ZBTB38: variants seen among roughly 807,000 people sequenced by gnomAD.
The protein encoded by ZBTB38 is zinc finger and BTB domain containing 38, also known as zinc finger and BTB domain-containing protein 38.
ZBTB38 carries 20 observed loss-of-function variants against 76.8 expected under a neutral mutation model. The ratio of observed to expected loss-of-function variants is 0.26; its 90% CI spans 0.18 to 0.38. ZBTB38 has a LOEUF of 0.38. Ranked by LOEUF, ZBTB38 falls within the 10% of genes least tolerant of loss-of-function variation. ZBTB38 has a pLI of 1.00. For synonymous variants in ZBTB38, 504 were observed against 544.2 expected (o/e 0.93, Z 1.03); for missense variants, 1,082 against 1,482.3 (o/e 0.73, Z 4.43).
Position 141,340,942 on chromosome 3 carries a change from G to GAAAAGAAAAGAAAAGAAAAGA in ZBTB38, c.-739+16489_-739+16490insAGAAAAGAAAAGAAAAGAAAA, listed in dbSNP as rs1195708609. 1.6e-3 allele frequency among the ~76,000 whole-genome samples: 159 copies of GAAAAGAAAAGAAAAGAAAAGA among 101,192 alleles called. 1 individual carries two copies. Among genetic ancestry groups the GAAAAGAAAAGAAAAGAAAAGA allele is most frequent in the African/African-American group, 4.1e-3 (92 of 22,700 alleles). The allele number at this position is 101,192 out of a possible 152,430, so 66.4% of individuals were successfully genotyped here. The stretch of plus-strand genomic sequence containing the variant: ...AAGGAAAGGAAAAAAGAAAAGAAAA[G>GAAAAGAAAAGAAAAGAAAAGA]AAAGAAGGAAAGAAAGAAAGAAAGA... On this transcript the variant is annotated intron_variant, in intron 1 of 7. Coordinates refer to the ZBTB38 transcript ENST00000509842.
In ZBTB38 at chr3:141,442,373, T is replaced by C; in HGVS notation, c.1-16T>C. ...CTGTGGAAGATTATCTGACCATTTC[T>C]CTCCTCTTGTTTCAGATGACAGTCA... On this transcript the variant is annotated splice_polypyrimidine_tract_variant and intron_variant, in intron 5 of 5. Transcript: ENST00000321464. This position sits in a 1 kb window ranked among gnomAD's most constrained non-coding sequence, Gnocchi z 6.4. 1 of 1,583,860 alleles carries C rather than the reference T, an allele frequency of 6.3e-7. No homozygotes were observed. Among genetic ancestry groups the C allele is most frequent in the Non-Finnish European group, 8.6e-7 (1 of 1,158,816 alleles).
At chr3:141,330,271 A>G (rs1000381478) in intron 1 of ZBTB38, among the ~76,000 whole-genome samples, 7 of 152,146 alleles carry the variant, frequency 4.6e-5, no homozygotes, top group Admixed American at 1.3e-4. Context: ...CTGCAGCTGC[A>G]ATTAATGCGC....
chr3:141,388,603 A>G (rs1947853325), intron 4 of ZBTB38: 2 of 152,222 alleles, frequency 1.3e-5, no homozygotes, highest in Non-Finnish European at 2.9e-5. Context: ...TTTCAAATTT[A>G]ACACTGGGCC....
rs1225149633 is a variant in ZBTB38, at chr3:141,340,979, AAAGAAAGAAAGAGAAAG to A, written c.-739+16536_-739+16552del. Among the ~76,000 whole-genome samples, 18 of 147,450 alleles carry A rather than the reference AAAGAAAGAAAGAGAAAG, an allele frequency of 1.2e-4. No homozygotes were observed. The South Asian group carries it at 1.3e-3, about 11-fold the overall frequency. ...GAAAGAAAGAAAGAAAGAAAGAAAG[AAAGAAAGAAAGAGAAAG>A]AAGAAAGAAAGAAAGAAAGAGAAAG... On this transcript the variant is annotated intron_variant, in intron 1 of 7. Coordinates refer to the ZBTB38 transcript ENST00000509842.
At chr3:141,438,508 C>G (rs1176088293) in intron 5 of ZBTB38, 1 of 151,386 alleles carries the variant, frequency 6.6e-6, no homozygotes, top group Non-Finnish European at 1.5e-5. Flanking sequence ...AGGCATGAGC[C>G]ACCACGCCTG....
rs1304322356 is a variant in ZBTB38 at position 141,444,067 on chromosome 3, T to C, written c.1679T>C (p.Val560Ala). Reference protein sequence around the residue: ...KTANGGLKPSVYPYKLYRLLP... With the variant: ...KTANGGLKPSAYPYKLYRLLP... Reference sequence around the variant, plus strand: ...GCAAATGGAGGCTTGAAGCCTAGTGTCTATCCGTATAAACTTTATAGGCTA... The same window carrying C: ...GCAAATGGAGGCTTGAAGCCTAGTGCCTATCCGTATAAACTTTATAGGCTA... The change falls in exon 6 of 6, where the codon GTC becomes GCC. Residue 560 changes from valine to alanine, a missense_variant. Physicochemically the swap from Val to Ala is moderately conservative, Grantham distance 64. Coordinates refer to ENST00000321464, the MANE Select transcript of ZBTB38 (RefSeq NM_001376113.1). This position sits in a 1 kb window ranked among gnomAD's most constrained non-coding sequence, Gnocchi z 5.1. 1 of 1,614,134 alleles carries C rather than the reference T, an allele frequency of 6.2e-7. No individual in the cohort carries two copies. Among genetic ancestry groups the C allele is most frequent in the Non-Finnish European group, 8.5e-7 (1 of 1,180,030 alleles).
intron 4 of ZBTB38, among the ~76,000 whole-genome samples, chr3:141,392,446 G>C (rs1949172756): frequency 6.6e-6 from 1 of 152,214 alleles, no homozygotes; most frequent in African/African-American, 2.4e-5. Flanking sequence ...GCATTGTATG[G>C]ACAAGTACAA....
At chr3:141,384,265 C>T (rs774882732) in intron 3 of ZBTB38, among the ~76,000 whole-genome samples, 5 of 152,186 alleles carry the variant, frequency 3.3e-5, no homozygotes, top group Non-Finnish European at 7.3e-5. Flanking sequence ...CAGTAGGGGA[C>T]CTGACCACAT....
At chr3:141,346,782 T>TTTTGTTTGTGTGTG (rs150173767) in intron 1 of ZBTB38, among the ~76,000 whole-genome samples, 1 of 144,562 alleles carries the variant, frequency 6.9e-6, no homozygotes, top group Non-Finnish European at 1.5e-5. Flanking sequence ...TTGTTTTGTT[T>TTTTGTTTGTGTGTG]TGTGTGTGTG....
At chr3:141,336,852 C>T (rs1943027842) in intron 1 of ZBTB38, among the ~76,000 whole-genome samples, 1 of 152,230 alleles carries the variant, frequency 6.6e-6, no homozygotes, top group South Asian at 2.1e-4. Flanking sequence ...AAAATGCCCC[C>T]AGGCATTTCC....
intron 4 of ZBTB38, among the ~76,000 whole-genome samples, chr3:141,395,981 G>C (rs1053437234): frequency 5.9e-5 from 9 of 152,256 alleles, no homozygotes; most frequent in African/African-American, 1.9e-4. Context: ...TCTGTCTGCA[G>C]ATGGAGGGTC....
intron 1 of ZBTB38, among the ~76,000 whole-genome samples, chr3:141,349,296 A>G (rs961235496): frequency 6.6e-6 from 1 of 152,238 alleles, no homozygotes; most frequent in Non-Finnish European, 1.5e-5. Flanking sequence ...AGCAGCAAAT[A>G]GTTATAAAAC....
rs146897207 is a variant in ZBTB38, at chr3:141,415,738, A to G, written c.-1+11707A>G. On this transcript the variant is annotated intron_variant, in intron 5 of 5. Transcript: ENST00000321464. ...GTGCCTTTTAAGCCCTGCTGTAGAAATGTATGATGGGGTGATTGACCACAT... is the reference window on the plus strand; with the variant it reads ...GTGCCTTTTAAGCCCTGCTGTAGAAGTGTATGATGGGGTGATTGACCACAT... Among the ~76,000 whole-genome samples the G allele has an allele frequency of 5.8e-3, 889 of 152,314 alleles. 12 individuals carry two copies. Among genetic ancestry groups the G allele is most frequent in the African/African-American group, 0.02 (828 of 41,562 alleles).
chr3:141,448,451 A>G lies in ZBTB38; in HGVS notation c.*2475A>G, dbSNP rs1184141233. Reference sequence around the variant, plus strand: ...GACAGCCTTGTCACATTTTTTTGTTAATTGTGAAAATTTTATTGAGTGATG... The same window carrying G: ...GACAGCCTTGTCACATTTTTTTGTTGATTGTGAAAATTTTATTGAGTGATG... On this transcript the variant is annotated 3_prime_UTR_variant, in exon 6 of 6. Coordinates refer to ENST00000321464, the MANE Select transcript of ZBTB38 (RefSeq NM_001376113.1). The G allele has an allele frequency of 6.6e-6, 1 of 152,470 alleles. No individual in the cohort carries two copies. Among genetic ancestry groups the G allele is most frequent in the Non-Finnish European group, 1.5e-5 (1 of 67,986 alleles). The allele number at this position is 152,470 out of a possible 1,614,324, so 9.4% of individuals were successfully genotyped here.
intron 5 of ZBTB38, among the ~76,000 whole-genome samples, chr3:141,415,609 G>A (rs898495621): frequency 2.0e-5 from 3 of 152,244 alleles, no homozygotes; most frequent in Non-Finnish European, 4.4e-5. Flanking sequence ...CTCTGGCGAA[G>A]CACAGAGACA....
intron 1 of ZBTB38, among the ~76,000 whole-genome samples, chr3:141,330,595 T>C (rs1368456519): frequency 6.6e-6 from 1 of 152,258 alleles, no homozygotes; most frequent in African/African-American, 2.4e-5. Flanking sequence ...AGACTCTTTA[T>C]GCTTCTGTTC....
intron 1 of ZBTB38, among the ~76,000 whole-genome samples, chr3:141,357,290 C>T (rs1468013621): frequency 6.6e-6 from 1 of 151,934 alleles, no homozygotes; most frequent in Non-Finnish European, 1.5e-5. Flanking sequence ...TGATATTAAT[C>T]CTTTATTATT....
At chr3:141,433,005 C>T (rs1292150030) in intron 5 of ZBTB38, among the ~76,000 whole-genome samples, 7 of 152,172 alleles carry the variant, frequency 4.6e-5, no homozygotes, top group African/African-American at 1.4e-4. Context: ...TAGTGTGGAC[C>T]GGACTGTTGG....
At position 141,443,152 on chromosome 3, in the gene ZBTB38, C is replaced by G; in HGVS notation, c.764C>G (p.Ala255Gly). 1 of 1,614,182 alleles carries G rather than the reference C, an allele frequency of 6.2e-7. No individual in the cohort carries two copies. The highest frequency in any genetic ancestry group is 8.5e-7 in the Non-Finnish European group (1 of 1,180,034). ...AACACAGGGAAAGAAAATTGTGAAGCCCTTGCAGCGAAACCGAAAACATGC... is the reference window on the plus strand; with the variant it reads ...AACACAGGGAAAGAAAATTGTGAAGGCCTTGCAGCGAAACCGAAAACATGC... ...PGNTGKENCE[A>G]LAAKPKTCRK... The change falls in exon 6 of 6, where the codon GCC becomes GGC. Residue 255 changes from alanine to glycine, a missense_variant. By Grantham distance (60) the Ala-to-Gly change is moderately conservative. This residue lies in a region of ZBTB38 where 324 missense variants were observed against 359.1 expected (regional missense o/e 0.90). Coordinates refer to ENST00000321464, the MANE Select transcript of ZBTB38 (RefSeq NM_001376113.1). This position sits in a 1 kb window ranked among gnomAD's most constrained non-coding sequence, Gnocchi z 5.6.
Sources: gnomAD v4.1 joint callset for allele counts (sites outside exome capture counted in the v4.1 genomes callset) on GRCh38, gnomAD v4.1.1 for gene constraint, gnomAD v4.1.1 regional missense constraint, Gnocchi (gnomAD v3.1) non-coding constraint, MANE v1.5 for transcripts, NCBI Gene and HGNC (gene_info 2026-07-23, HGNC 2026-07-21) for gene names.